EBF1: variants seen among roughly 807,000 people sequenced by gnomAD.
EBF1 encodes the protein EBF transcription factor 1.
In EBF1, 10 loss-of-function variants were observed where a neutral mutation model predicts 68.4. The observed-to-expected ratio is 0.15, with a 90% CI of 0.09 to 0.25. EBF1 has a LOEUF of 0.25. EBF1 is among the 10% of genes least tolerant of loss of function. EBF1 has a pLI of 1.00. For missense variants in EBF1, 509 were observed against 794.4 expected (o/e 0.64, Z 4.32); for synonymous variants, 298 against 299.8 (o/e 0.99, Z 0.06).
At chr5:158,716,901 C>G (rs548316210) in intron 11 of EBF1, among the ~76,000 whole-genome samples, 3 of 152,170 alleles carry the variant, frequency 2.0e-5, no homozygotes, top group Non-Finnish European at 4.4e-5. Flanking sequence ...GCTAAATTTA[C>G]TCAATAATGG....
In EBF1 at chr5:158,711,142, T is replaced by C. The variant is rs1000743437; in HGVS notation, c.1549+1012A>G. Among the ~76,000 whole-genome samples, 14 of 152,232 alleles carry C rather than the reference T, an allele frequency of 9.2e-5. 1 individual carries two copies. The highest frequency in any genetic ancestry group is 9.2e-4 in the Admixed American group (14 of 15,282). On this transcript the variant is annotated intron_variant, in intron 14 of 15. Coordinates refer to ENST00000313708, the MANE Select transcript of EBF1 (RefSeq NM_024007.5). The stretch of plus-strand genomic sequence containing the variant: ...CTTTTTTTTAATCTTGCCAGATTTC[T>C]GGAAAAGTGTTTTGATTTGTTGTTG...
intron 6 of EBF1, among the ~76,000 whole-genome samples, chr5:158,877,551 G>C (rs1798035407): frequency 6.6e-6 from 1 of 152,162 alleles, no homozygotes; most frequent in Non-Finnish European, 1.5e-5. Flanking sequence ...AGGCAACTTA[G>C]AAGGCATTCA....
chr5:158,726,790 C>T lies in EBF1; in HGVS notation c.1125+4279G>A, dbSNP rs190211676. On this transcript the variant is annotated intron_variant, in intron 11 of 15. Transcript: ENST00000313708. ...GAGAAGTGGGAACTCAACATAGTGA[C>T]GGCAGTGAGGCTACCGACCCTGAGG... Among the ~76,000 whole-genome samples, 437 of 152,260 alleles carry T rather than the reference C, an allele frequency of 2.9e-3. 2 individuals are homozygous for T. The highest frequency in any genetic ancestry group is 9.8e-3 in the African/African-American group (409 of 41,558).
At chr5:158,891,028 T>C (rs1436741657) in intron 6 of EBF1, among the ~76,000 whole-genome samples, 8 of 152,190 alleles carry the variant, frequency 5.3e-5, no homozygotes, top group Admixed American at 4.6e-4. Context: ...AATCCACAAG[T>C]GAAACTGGTA....
intron 6 of EBF1, among the ~76,000 whole-genome samples, chr5:158,866,641 A>C (rs2128046232): frequency 6.6e-6 from 1 of 151,912 alleles, no homozygotes; most frequent in South Asian, 2.1e-4. Flanking sequence ...CGTCACTTTT[A>C]ATAAGTCACT....
intron 6 of EBF1, among the ~76,000 whole-genome samples, chr5:158,850,833 C>T (rs553676722): frequency 4.7e-4 from 71 of 151,990 alleles, no homozygotes; most frequent in Non-Finnish European, 8.1e-4. Context: ...ATGGTGAAAC[C>T]CTGTCTCCAC....
chr5:159,003,563 C>A (rs1028634491), intron 6 of EBF1, among the ~76,000 whole-genome samples: 2 of 152,158 alleles, frequency 1.3e-5, no homozygotes, highest in Non-Finnish European at 2.9e-5. Flanking sequence ...GGATGATTTC[C>A]TCTTAAAATG....
intron 6 of EBF1, among the ~76,000 whole-genome samples, chr5:158,875,028 T>A (rs374491867): frequency 7.0e-6 from 1 of 142,148 alleles, no homozygotes; most frequent in Non-Finnish European, 1.5e-5. Flanking sequence ...CATGGAGAGA[T>A]GAACACACAC....
intron 6 of EBF1, among the ~76,000 whole-genome samples, chr5:158,852,221 C>T (rs114500749): frequency 0.026 from 3,973 of 150,438 alleles, 176 homozygotes; most frequent in African/African-American, 0.093. Context: ...AGCTATTCCC[C>T]AAGGTGTGGG....
In EBF1 at chr5:158,713,074, G is replaced by T. The variant is rs774052785; in HGVS notation, c.1265C>A (p.Pro422Gln). The stretch of plus-strand genomic sequence containing the variant: ...GTGGACCGAGGTGTTAGCAAGGGCC[G>T]GGAGTTGGTTGTGGTTGCGGGGAAC... ...YSVPRNHNQL[P>Q]ALANTSVHAG... The change falls in exon 13 of 16, where the codon CCG becomes CAG. Residue 422 changes from proline (P) to glutamine (Q), a missense_variant. Pro to Gln is a moderately conservative substitution (Grantham distance 76). Coordinates refer to ENST00000313708, the MANE Select transcript of EBF1 (RefSeq NM_024007.5). The T allele has an allele frequency of 4.2e-5, 67 of 1,598,904 alleles. 1 individual carries two copies. In the African/African-American group the frequency reaches 7.9e-4, roughly 19 times the overall value.
chr5:158,881,222 T>C (rs887419849), intron 6 of EBF1, among the ~76,000 whole-genome samples: 1 of 152,084 alleles, frequency 6.6e-6, no homozygotes, highest in Non-Finnish European at 1.5e-5. Context: ...GCCCTGCCAA[T>C]CAAACTCAAC....
intron 6 of EBF1, among the ~76,000 whole-genome samples, chr5:158,961,727 A>G (rs925203066): frequency 2.6e-5 from 4 of 152,356 alleles, no homozygotes; most frequent in South Asian, 4.1e-4. Context: ...TAAAAAATAA[A>G]AATCATTTTA....
At chr5:158,764,291 G>C (rs1324262318) in intron 10 of EBF1, among the ~76,000 whole-genome samples, 1 of 152,152 alleles carries the variant, frequency 6.6e-6, no homozygotes, top group African/African-American at 2.4e-5. Context: ...TGGAAGAAAA[G>C]GAATCTGGTG....
At chr5:159,018,444 C>A (rs535846814) in intron 6 of EBF1, among the ~76,000 whole-genome samples, 1 of 152,352 alleles carries the variant, frequency 6.6e-6, no homozygotes, top group Admixed American at 6.5e-5. Flanking sequence ...AAGGTCTGAT[C>A]ACCAGCCTAT....
chr5:158,839,927 A>G, intron 7 of EBF1, 102 bp downstream of exon 7: 1 of 1,126,762 alleles, frequency 8.9e-7, no homozygotes, highest in Non-Finnish European at 1.3e-6. Context: ...GCTGCTCTTC[A>G]CCTCTGGGAA....
chr5:159,067,661 G>A (rs370315247), intron 6 of EBF1, among the ~76,000 whole-genome samples: 6 of 151,940 alleles, frequency 3.9e-5, no homozygotes, highest in Non-Finnish European at 5.9e-5. Flanking sequence ...ACAAATGTAC[G>A]GGGCTCATCT....
At chr5:158,788,771 G>A (rs1175066179) in intron 9 of EBF1, among the ~76,000 whole-genome samples, 1 of 152,128 alleles carries the variant, frequency 6.6e-6, no homozygotes, top group African/African-American at 2.4e-5. Flanking sequence ...CTATTTTCAA[G>A]TTACAGACAC....
chr5:159,046,885 T>C (rs565811942), intron 6 of EBF1, among the ~76,000 whole-genome samples: 19 of 152,186 alleles, frequency 1.2e-4, no homozygotes, highest in Non-Finnish European at 2.5e-4. Context: ...GTGATATCAC[T>C]GAACAGAGCT....
chr5:158,906,468 A>C (rs994512015), intron 6 of EBF1, among the ~76,000 whole-genome samples: 1 of 152,160 alleles, frequency 6.6e-6, no homozygotes, highest in Admixed American at 6.5e-5. Flanking sequence ...AGGTGCTGTC[A>C]CTTACCTGAA....
Sources: gnomAD v4.1 joint callset for allele counts (sites outside exome capture counted in the v4.1 genomes callset) on GRCh38, gnomAD v4.1.1 for gene constraint, MANE v1.5 for transcripts, NCBI Gene and HGNC (gene_info 2026-07-23, HGNC 2026-07-21) for gene names.